Variants in SLC24A2 observed in about 807,000 individuals in gnomAD.
The protein encoded by SLC24A2 is solute carrier family 24 member 2.
In SLC24A2, 36 loss-of-function variants were observed where a neutral mutation model predicts 62.0. That is an observed-to-expected ratio of 0.58 (90% CI 0.44 to 0.77). The LOEUF (loss-of-function observed/expected upper bound fraction) is 0.77. SLC24A2 is among the 30% of genes least tolerant of loss of function. SLC24A2 has a pLI of 0.00. For missense variants in SLC24A2, 846 were observed against 817.9 expected (o/e 1.03, Z -0.42); for synonymous variants, 358 against 294.0 (o/e 1.22, Z -2.23).
the SLC24A2 span, among the ~76,000 whole-genome samples, chr9:19,960,083 G>T: frequency 1.3e-5 from 2 of 152,258 alleles, no homozygotes; most frequent in East Asian, 3.9e-4. Flanking sequence ...TAAGCTATTG[G>T]CAGTGACCTT....
At chr9:20,000,463 T>C in the SLC24A2 span, among the ~76,000 whole-genome samples, 3 of 152,280 alleles carry the variant, frequency 2.0e-5, no homozygotes, top group East Asian at 1.9e-4. Context: ...TTGATAAACA[T>C]TGTATAGGTA....
intron 2 of SLC24A2, among the ~76,000 whole-genome samples, chr9:19,641,361 T>C (rs1818488025): frequency 6.6e-6 from 1 of 152,236 alleles, no homozygotes; most frequent in Non-Finnish European, 1.5e-5. Flanking sequence ...CAACTCACCA[T>C]TTCTATTGAA....
the SLC24A2 span, among the ~76,000 whole-genome samples, chr9:19,888,100 C>A: frequency 6.6e-6 from 1 of 152,176 alleles, no homozygotes; most frequent in Admixed American, 6.5e-5. Flanking sequence ...AACCAAATAG[C>A]ACCTGTTCCC....
At chr9:20,289,062 C>G in the SLC24A2 span, among the ~76,000 whole-genome samples, 1 of 152,088 alleles carries the variant, frequency 6.6e-6, no homozygotes, top group African/African-American at 2.4e-5. Context: ...TCAGTCACCC[C>G]AGCTGACATT....
At chr9:20,154,282 T>A in the SLC24A2 span, among the ~76,000 whole-genome samples, 1 of 151,768 alleles carries the variant, frequency 6.6e-6, no homozygotes, top group African/African-American at 2.4e-5. Flanking sequence ...AAGCACAAAT[T>A]GTAAGGTGAC....
intron 7 of SLC24A2, among the ~76,000 whole-genome samples, chr9:19,563,966 A>C (rs1835545132): frequency 6.6e-6 from 1 of 150,922 alleles, no homozygotes; most frequent in Non-Finnish European, 1.5e-5. Context: ...TGATCCTCCC[A>C]CCTCAGACTC....
chr9:19,540,563 G>T (rs912196043), intron 8 of SLC24A2, among the ~76,000 whole-genome samples: 1 of 148,506 alleles, frequency 6.7e-6, no homozygotes, highest in African/African-American at 2.5e-5. Context: ...TAGGGTTTCT[G>T]CCGAGAGATC....
the SLC24A2 span, among the ~76,000 whole-genome samples, chr9:19,916,664 T>A: frequency 2.0e-5 from 3 of 152,010 alleles, no homozygotes; most frequent in Non-Finnish European, 1.5e-5. Flanking sequence ...ATTTTCCAGA[T>A]TATTAAATAT....
the SLC24A2 span, among the ~76,000 whole-genome samples, chr9:20,194,710 A>AT: frequency 4.0e-5 from 6 of 151,884 alleles, no homozygotes; most frequent in South Asian, 8.3e-4. Flanking sequence ...CTCTCACAGT[A>AT]TTTTTTTTCA....
At chr9:20,193,013 C>T in the SLC24A2 span, among the ~76,000 whole-genome samples, 77 of 152,234 alleles carry the variant, frequency 5.1e-4, no homozygotes, top group African/African-American at 1.8e-3. Flanking sequence ...GCTTTTCCAT[C>T]CCTAGTCTTG....
the SLC24A2 span, among the ~76,000 whole-genome samples, chr9:20,063,659 T>G: frequency 1.3e-5 from 2 of 151,896 alleles, no homozygotes; most frequent in Admixed American, 6.6e-5. Flanking sequence ...AAAATAAAAA[T>G]AAAAGACTTG....
intron 2 of SLC24A2, among the ~76,000 whole-genome samples, chr9:19,686,945 T>A (rs1325320534): frequency 6.6e-6 from 1 of 152,100 alleles, no homozygotes; most frequent in Non-Finnish European, 1.5e-5. Flanking sequence ...TGGAATACCA[T>A]GCAGCCATAA....
At chr9:19,523,540 G>A (rs937946974) in intron 9 of SLC24A2, among the ~76,000 whole-genome samples, 18 of 151,994 alleles carry the variant, frequency 1.2e-4, no homozygotes, top group African/African-American at 4.1e-4. Flanking sequence ...TCGGCTCACT[G>A]AAACATTTGC....
chr9:19,732,862 G>T (rs2118718054), intron 2 of SLC24A2, among the ~76,000 whole-genome samples: 1 of 152,186 alleles, frequency 6.6e-6, no homozygotes, highest in East Asian at 1.9e-4. Flanking sequence ...TGAAAATAAT[G>T]CAGCCCCAGT....
At chr9:19,644,256 A>T (rs1818580893) in intron 2 of SLC24A2, among the ~76,000 whole-genome samples, 1 of 152,278 alleles carries the variant, frequency 6.6e-6, no homozygotes, top group South Asian at 2.1e-4. Context: ...CCAATAAATA[A>T]AGTTATTAGG....
At chr9:19,889,688 G>T in the SLC24A2 span, among the ~76,000 whole-genome samples, 1 of 152,214 alleles carries the variant, frequency 6.6e-6, no homozygotes, top group Middle Eastern at 3.4e-3. Context: ...CACTCACACT[G>T]AATCATGAAT....
Position 19,514,413 on chromosome 9 carries a change from C to A in SLC24A2, c.*1740G>T, listed in dbSNP as rs927563521. On this transcript the variant is annotated 3_prime_UTR_variant, in exon 11 of 11. Transcript: ENST00000341998. ...CGTAGGATGGGTACAGAATAATGAA[C>A]CATCCTTGATTCAATTTTTCAACTG... 1 of 152,118 alleles carries A rather than the reference C, an allele frequency of 6.6e-6. No homozygotes were observed. Among genetic ancestry groups the A allele is most frequent in the Non-Finnish European group, 1.5e-5 (1 of 68,028 alleles). The allele number at this position is 152,118 out of a possible 1,614,324, so 9.4% of individuals were successfully genotyped here.
chr9:20,257,633 C>A, the SLC24A2 span, among the ~76,000 whole-genome samples: 1 of 152,160 alleles, frequency 6.6e-6, no homozygotes, highest in African/African-American at 2.4e-5. Context: ...CCCAGATCTG[C>A]CGGTTACTGA....
chr9:19,688,714 T>A (rs1819956879), intron 2 of SLC24A2, among the ~76,000 whole-genome samples: 1 of 152,068 alleles, frequency 6.6e-6, no homozygotes, highest in Non-Finnish European at 1.5e-5. Flanking sequence ...TTTGCAGAAA[T>A]TTTTGAATAT....
Sources: gnomAD v4.1 joint callset for allele counts (sites outside exome capture counted in the v4.1 genomes callset) on GRCh38, gnomAD v4.1.1 for gene constraint, MANE v1.5 for transcripts, NCBI Gene and HGNC (gene_info 2026-07-23, HGNC 2026-07-21) for gene names.